The following BMP7 variants were observed in gnomAD, a reference collection of about 807,000 sequenced individuals.
The protein encoded by BMP7 is bone morphogenetic protein 7.
Under a neutral mutation model 41.2 loss-of-function variants are expected in BMP7, and 12 were observed. That is an observed-to-expected ratio of 0.29 (90% CI 0.19 to 0.47). The LOEUF is 0.47. Among genes scored for constraint, BMP7 ranks in the 20% least tolerant of loss-of-function variants. BMP7 has a pLI of 0.99. For synonymous variants in BMP7, 248 were observed against 250.0 expected, an observed-to-expected ratio of 0.99 and a Z score of 0.07; for missense variants, 467 against 606.0, an observed-to-expected ratio of 0.77 and a Z score of 2.41.
intron 3 of BMP7, among the ~76,000 whole-genome samples, chr20:57,192,339 A>ATT (rs1044464713): frequency 6.9e-6 from 1 of 143,968 alleles, no homozygotes; most frequent in Non-Finnish European, 1.5e-5. Context: ...TATATTATGT[A>ATT]TTTTTTATGT....
intron 3 of BMP7, among the ~76,000 whole-genome samples, chr20:57,185,588 T>C (rs1270154622): frequency 1.3e-5 from 2 of 152,192 alleles, no homozygotes; most frequent in South Asian, 2.1e-4. Context: ...TTGTATGAAA[T>C]CCCTACTTGA....
At chr20:57,245,076 C>T (rs866856410) in intron 1 of BMP7, among the ~76,000 whole-genome samples, 8 of 152,150 alleles carry the variant, frequency 5.3e-5, no homozygotes, top group Non-Finnish European at 7.3e-5. Flanking sequence ...CACTCTGTCC[C>T]TGGACCACAG....
Position 57,174,819 on chromosome 20 carries a change from A to T in BMP7, c.1035+112T>A. On this transcript the variant is annotated intron_variant, in intron 5 of 6. Transcript: ENST00000395863. This position sits in a 1 kb window ranked among gnomAD's most constrained non-coding sequence, Gnocchi z 4.3. ...CCCTTCCCTAGCGAGGCCACTTGATACTGGAGTCTTAACTGGCAGAGATGA... is the reference window on the plus strand; with the variant it reads ...CCCTTCCCTAGCGAGGCCACTTGATTCTGGAGTCTTAACTGGCAGAGATGA... 8.2e-7 allele frequency: 1 copy of T among 1,215,760 alleles called. No homozygotes were observed. The highest frequency in any genetic ancestry group is 1.2e-6 in the Non-Finnish European group (1 of 854,240). The allele number at this position is 1,215,760 out of a possible 1,614,324, so 75.3% of individuals were successfully genotyped here. A position where few individuals can be genotyped will look rare whatever the true frequency, so the allele number is the denominator to read the frequency against.
chr20:57,184,038 G>T, intron 3 of BMP7, 119 bp from the exon 4 acceptor site: 1 of 1,200,220 alleles, frequency 8.3e-7, no homozygotes, highest in Non-Finnish European at 1.2e-6. Context: ...CCTCCATCCA[G>T]TAAGTATTTA....
intron 4 of BMP7, 149 bp downstream of exon 4, chr20:57,183,573 G>A: frequency 1.0e-6 from 1 of 982,282 alleles, no homozygotes; most frequent in Non-Finnish European, 1.5e-6. Context: ...CTGTGTAGGG[G>A]TGGATTTGGG....
chr20:57,233,207 G>A (rs1214092204), intron 1 of BMP7, among the ~76,000 whole-genome samples: 1 of 151,982 alleles, frequency 6.6e-6, no homozygotes, highest in East Asian at 1.9e-4. Context: ...AGGAAGCCCA[G>A]AGCCTAGGAT....
At chr20:57,263,227 A>G (rs1431559426) in intron 1 of BMP7, among the ~76,000 whole-genome samples, 1 of 152,234 alleles carries the variant, frequency 6.6e-6, no homozygotes, top group Non-Finnish European at 1.5e-5. Context: ...GCTAGACCTG[A>G]GAAAGTCAGG....
At chr20:57,232,397 T>C (rs2066032661) in intron 1 of BMP7, among the ~76,000 whole-genome samples, 1 of 152,000 alleles carries the variant, frequency 6.6e-6, no homozygotes, top group African/African-American at 2.4e-5. Context: ...ATTTACACAG[T>C]GCACTTATGA....
intron 2 of BMP7, among the ~76,000 whole-genome samples, chr20:57,207,943 C>T (rs1357621934): frequency 6.6e-6 from 1 of 151,308 alleles, no homozygotes; most frequent in East Asian, 1.9e-4. Flanking sequence ...CATTCTCCTG[C>T]CTCAGCCTCC....
In BMP7 at chr20:57,202,642, G is replaced by A; in HGVS notation, c.612-19C>T. On this transcript the variant is annotated intron_variant, in intron 2 of 6. Transcript: ENST00000395863. The stretch of plus-strand genomic sequence containing the variant: ...CGATTCCCTGCGAGAGAGGAGGAGA[G>A]ACACGGGCTTCGCGTTAGCCAGGTC... 1 of 1,525,102 alleles carries A rather than the reference G, an allele frequency of 6.6e-7. No homozygotes were observed. The allele number at this position is 1,525,102 out of a possible 1,614,324, so 94.5% of individuals were successfully genotyped here. A position where few individuals can be genotyped will look rare whatever the true frequency, so the allele number is the denominator to read the frequency against.
intron 1 of BMP7, among the ~76,000 whole-genome samples, chr20:57,254,017 CTTTTTTTTTTTT>C (rs35180643): frequency 5.6e-5 from 4 of 71,534 alleles, no homozygotes; most frequent in Non-Finnish European, 7.3e-5. Context: ...GGTTTCTTTC[CTTTTTTTTTTTT>C]TTTTTTTTTT....
At chr20:57,198,580 G>A (rs1418855167) in intron 3 of BMP7, among the ~76,000 whole-genome samples, 4 of 152,194 alleles carry the variant, frequency 2.6e-5, no homozygotes, top group Non-Finnish European at 5.9e-5. Flanking sequence ...CCCCAGCTGC[G>A]GCTGCTCCGC....
At chr20:57,172,931 C>G in intron 6 of BMP7, 2 of 605,180 alleles carry the variant, frequency 3.3e-6, no homozygotes, top group South Asian at 2.0e-5. Flanking sequence ...CTACAAGCAT[C>G]CTCAAAGGAG....
intron 2 of BMP7, among the ~76,000 whole-genome samples, chr20:57,223,574 C>T (rs1985241509): frequency 6.6e-6 from 1 of 152,248 alleles, no homozygotes; most frequent in Non-Finnish European, 1.5e-5. Flanking sequence ...AGCCCCACCT[C>T]TGCCACTTTG....
chr20:57,192,259 G>GTATATATAGTATATATACTATAA (rs1370765845), intron 3 of BMP7, among the ~76,000 whole-genome samples: 14 of 126,720 alleles, frequency 1.1e-4, no homozygotes, highest in South Asian at 2.3e-4. Context: ...ATATACTATA[G>GTATATATAGTATATATACTATAA]TATATATAGT....
At chr20:57,241,742 A>G (rs2066070604) in intron 1 of BMP7, among the ~76,000 whole-genome samples, 1 of 152,218 alleles carries the variant, frequency 6.6e-6, no homozygotes, top group African/African-American at 2.4e-5. Flanking sequence ...TGCAGCCTGC[A>G]CAGATGTTGG....
At chr20:57,198,614 G>A (rs1003533471) in intron 3 of BMP7, among the ~76,000 whole-genome samples, 1 of 152,198 alleles carries the variant, frequency 6.6e-6, no homozygotes, top group Non-Finnish European at 1.5e-5. Context: ...GGAGGGCCCA[G>A]CTGGGAGGAA....
At position 57,261,999 on chromosome 20, in the gene BMP7, G is replaced by C. The variant is rs906365629; in HGVS notation, c.418+3706C>G. On this transcript the variant is annotated intron_variant, in intron 1 of 6. Coordinates refer to ENST00000395863, the MANE Select transcript of BMP7 (RefSeq NM_001719.3). The surrounding 1 kb of genome is among the most constrained non-coding windows in gnomAD (Gnocchi z 4.1). ...TACATTAACAAAAGCCACTTTTATA[G>C]GCTGACTCCAATAATGATAGGTTTC... Among the ~76,000 whole-genome samples, 6 of 152,184 alleles carry C rather than the reference G, an allele frequency of 3.9e-5. No homozygotes were observed.
chr20:57,196,172 G>T (rs1984486691), intron 3 of BMP7, among the ~76,000 whole-genome samples: 1 of 152,182 alleles, frequency 6.6e-6, no homozygotes, highest in African/African-American at 2.4e-5. Context: ...AAATGACCTG[G>T]TGCTTCCATG....
Sources: gnomAD v4.1 joint callset for allele counts (sites outside exome capture counted in the v4.1 genomes callset) on GRCh38, gnomAD v4.1.1 for gene constraint, Gnocchi (gnomAD v3.1) non-coding constraint, MANE v1.5 for transcripts, NCBI Gene and HGNC (gene_info 2026-07-23, HGNC 2026-07-21) for gene names.